CNTLN: variants seen among roughly 807,000 people sequenced by gnomAD.
CNTLN encodes the protein centlein, centrosomal protein.
In CNTLN, 212 loss-of-function variants were observed where a neutral mutation model predicts 180.0. The ratio of observed to expected loss-of-function variants is 1.18; its 90% CI spans 1.05 to 1.32. The LOEUF (loss-of-function observed/expected upper bound fraction) is 1.32, where lower values mean the gene tolerates loss of function less well. CNTLN is among the 40% of genes most tolerant of loss of function. The probability of loss-of-function intolerance (pLI) is 0.00; values close to 1 mark genes in which losing one functional copy is unlikely to be tolerated. For missense variants in CNTLN, 2,095 were observed against 1,610.9 expected (o/e 1.30, Z -5.14); for synonymous variants, 722 against 563.1 (o/e 1.28, Z -3.99).
At chr9:17,360,192 G>A (rs1446446753) in intron 12 of CNTLN, among the ~76,000 whole-genome samples, 1 of 152,098 alleles carries the variant, frequency 6.6e-6, no homozygotes, top group East Asian at 1.9e-4. Context: ...TTTGAAAGTA[G>A]AACTGTTTAG....
chr9:17,290,826 T>A lies in CNTLN; in HGVS notation c.984-7364T>A, dbSNP rs1829338740. ...CTCGGAAAGGGAACTCCCTGATCCC[T>A]CGCGCTTCCCAGGTGAGGCAATGCC... On this transcript the variant is annotated intron_variant, in intron 6 of 25. Coordinates refer to ENST00000380647, the MANE Select transcript of CNTLN (RefSeq NM_017738.4). Among the ~76,000 whole-genome samples the A allele has an allele frequency of 2.0e-5, 3 of 152,206 alleles. No individual in the cohort carries two copies. The South Asian group carries it at 6.2e-4, about 32-fold the overall frequency.
At chr9:17,168,157 A>C (rs1319920699) in intron 2 of CNTLN, 4 of 152,182 alleles carry the variant, frequency 2.6e-5, no homozygotes, top group African/African-American at 9.7e-5. Flanking sequence ...AGGCATGTTG[A>C]GTTATTGGAA....
chr9:17,270,909 T>G (rs765233936), intron 5 of CNTLN, among the ~76,000 whole-genome samples: 6 of 151,938 alleles, frequency 3.9e-5, no homozygotes, highest in Non-Finnish European at 7.4e-5. Flanking sequence ...ACCTTAATTT[T>G]GTATTAATAT....
chr9:17,298,744 G>A (rs41268969), intron 7 of CNTLN: 24,324 of 988,382 alleles, frequency 0.025, 341 homozygotes, highest in Middle Eastern at 0.058. Context: ...ATTATTTTTC[G>A]GCAAATCTTC....
chr9:17,383,922 G>C (rs530931423), intron 13 of CNTLN, among the ~76,000 whole-genome samples: 20 of 152,260 alleles, frequency 1.3e-4, no homozygotes, highest in Non-Finnish European at 2.8e-4. Flanking sequence ...ACAGGCGTGA[G>C]CCACCTTGCC....
intron 2 of CNTLN, among the ~76,000 whole-genome samples, chr9:17,166,075 C>A (rs1276151994): frequency 6.6e-6 from 1 of 151,720 alleles, no homozygotes; most frequent in African/African-American, 2.4e-5. Context: ...GATAAGAAAC[C>A]AGAAGTAACA....
chr9:17,249,813 T>C (rs1826032534), intron 5 of CNTLN, among the ~76,000 whole-genome samples: 2 of 151,172 alleles, frequency 1.3e-5, no homozygotes, highest in Non-Finnish European at 2.9e-5. Context: ...TGTGTCCTGG[T>C]GAATGTTTCA....
chr9:17,486,848 A>G, intron 24 of CNTLN, 141 bp from the exon 25 acceptor site: 1 of 572,252 alleles, frequency 1.7e-6, no homozygotes, highest in South Asian at 2.3e-5. Context: ...ATGGACTTAA[A>G]TATTTCTACT....
intron 2 of CNTLN, among the ~76,000 whole-genome samples, chr9:17,209,716 A>C (rs1397219053): frequency 6.6e-6 from 1 of 152,124 alleles, no homozygotes; most frequent in Non-Finnish European, 1.5e-5. Context: ...TGTTTTGTCT[A>C]AGTATAGCTA....
intron 6 of CNTLN, among the ~76,000 whole-genome samples, chr9:17,294,097 G>A (rs643776): frequency 0.2 from 30,312 of 152,056 alleles, 3,739 homozygotes; most frequent in African/African-American, 0.34. Context: ...TGGTGGATTC[G>A]TGGTCTCGCT....
chr9:17,144,822 ATTTTATTTT>A (rs1295268584), intron 2 of CNTLN, among the ~76,000 whole-genome samples: 1 of 148,472 alleles, frequency 6.7e-6, no homozygotes, highest in East Asian at 1.9e-4. Flanking sequence ...TATTTATTTT[ATTTTATTTT>A]TTTTATTTTA....
Position 17,394,679 on chromosome 9 carries a change from A to G in CNTLN, c.2225A>G (p.Glu742Gly), listed in dbSNP as rs1304367145. The change falls in exon 15 of 26, where the codon GAG (glutamate) becomes GGG (glycine). Residue 742 changes from glutamate to glycine, a missense_variant. Coordinates refer to ENST00000380647, the MANE Select transcript of CNTLN (RefSeq NM_017738.4). ...QQEDTETREK[E>G]LEQIIKGSKD... ...GAAGATACAGAGACCAGAGAAAAAG[A>G]GCTAGAACAGATAATAAAGGGGAGT... The G allele has an allele frequency of 6.2e-7, 1 of 1,613,732 alleles. No individual in the cohort carries two copies. The highest frequency in any genetic ancestry group is 8.5e-7 in the Non-Finnish European group (1 of 1,179,818).
intron 2 of CNTLN, among the ~76,000 whole-genome samples, chr9:17,213,759 A>T (rs968155421): frequency 6.6e-6 from 1 of 152,176 alleles, no homozygotes; most frequent in African/African-American, 2.4e-5. Context: ...GTGCATATAT[A>T]TTTAGGATAG....
At chr9:17,161,242 T>A (rs1361059772) in intron 2 of CNTLN, among the ~76,000 whole-genome samples, 1 of 152,132 alleles carries the variant, frequency 6.6e-6, no homozygotes, top group Non-Finnish European at 1.5e-5. Flanking sequence ...TTATTTTCTA[T>A]GATATGTAGA....
chr9:17,194,510 G>C (rs1173357158), intron 2 of CNTLN, among the ~76,000 whole-genome samples: 1 of 152,152 alleles, frequency 6.6e-6, no homozygotes, highest in Non-Finnish European at 1.5e-5. Context: ...GGTCACCTTT[G>C]TTCTAGTTCC....
chr9:17,192,908 G>C (rs1821881329), intron 2 of CNTLN, among the ~76,000 whole-genome samples: 1 of 152,186 alleles, frequency 6.6e-6, no homozygotes, highest in East Asian at 1.9e-4. Flanking sequence ...AAGCAGTTCA[G>C]TTGGACTTAC....
At chr9:17,280,682 C>T (rs535675159) in intron 6 of CNTLN, among the ~76,000 whole-genome samples, 7 of 152,314 alleles carry the variant, frequency 4.6e-5, no homozygotes, top group Admixed American at 3.3e-4. Context: ...CACCCAAGAA[C>T]TGAGAAACTG....
chr9:17,511,677 C>T, the CNTLN span, among the ~76,000 whole-genome samples: 4 of 150,742 alleles, frequency 2.7e-5, no homozygotes, highest in Admixed American at 6.7e-5. Flanking sequence ...CACACGCACA[C>T]GTGCACACCC....
intron 2 of CNTLN, among the ~76,000 whole-genome samples, chr9:17,186,027 A>G (rs1821417716): frequency 6.6e-6 from 1 of 152,126 alleles, no homozygotes; most frequent in Non-Finnish European, 1.5e-5. Context: ...CTTGAGCTCA[A>G]GTTATCCTCC....
Sources: allele counts gnomAD v4.1 joint callset (sites outside exome capture counted in the v4.1 genomes callset), GRCh38; gene constraint gnomAD v4.1.1; transcripts MANE v1.5; gene names NCBI Gene and HGNC (gene_info 2026-07-23, HGNC 2026-07-21).